Variants in DIAPH2 observed in about 807,000 individuals in gnomAD.
DIAPH2 encodes protein diaphanous homolog 2.
A neutral mutation model predicts 92.7 loss-of-function variants in DIAPH2; 35 were observed. That is an observed-to-expected ratio of 0.38 (90% CI 0.29 to 0.50). The LOEUF is 0.50. DIAPH2 is among the 20% of genes least tolerant of loss of function. DIAPH2 has a pLI of 0.94. For synonymous variants in DIAPH2, 301 were observed against 280.4 expected (o/e 1.07, Z -0.73); for missense variants, 701 against 819.5 (o/e 0.86, Z 1.77).
intron 17 of DIAPH2, among the ~76,000 whole-genome samples, chrX:97,014,277 G>A (rs923280501): frequency 8.1e-5 from 9 of 111,547 alleles, no homozygotes; most frequent in Admixed American, 1.9e-4. Context: ...AAAGGAATTC[G>A]GGGGAAATTT....
At chrX:97,394,438 C>T (rs1355441673) in intron 25 of DIAPH2, among the ~76,000 whole-genome samples, 2 of 111,315 alleles carry the variant, frequency 1.8e-5, no homozygotes, top group Non-Finnish European at 3.8e-5. Context: ...TAGTTTCCTA[C>T]CTTAGCAAAG....
chrX:97,363,266 A>G (rs1423296534), intron 24 of DIAPH2, among the ~76,000 whole-genome samples: 1 of 112,185 alleles, frequency 8.9e-6, no homozygotes, highest in Non-Finnish European at 1.9e-5. Flanking sequence ...TCCTAATGCC[A>G]TTTCAAAATC....
intron 23 of DIAPH2, among the ~76,000 whole-genome samples, chrX:97,345,019 T>C (rs756776988): frequency 8.9e-6 from 1 of 112,284 alleles, no homozygotes; most frequent in South Asian, 3.7e-4. Context: ...AAAACAGAAA[T>C]GTCACTTTCA....
At chrX:97,190,314 C>T (rs944800907) in intron 22 of DIAPH2, among the ~76,000 whole-genome samples, 4 of 112,668 alleles carry the variant, frequency 3.6e-5, no homozygotes, top group Non-Finnish European at 5.6e-5. Flanking sequence ...TAGGATATTA[C>T]GCCAGTCCAG....
intron 1 of DIAPH2, among the ~76,000 whole-genome samples, chrX:96,716,871 G>T (rs187170745): frequency 9.0e-6 from 1 of 111,187 alleles, no homozygotes; most frequent in East Asian, 2.8e-4. Context: ...TGCTTACTTT[G>T]AGTTTCATTT....
At chrX:97,242,061 G>C (rs1324985323) in intron 22 of DIAPH2, among the ~76,000 whole-genome samples, 1 of 110,930 alleles carries the variant, frequency 9.0e-6, no homozygotes, top group African/African-American at 3.3e-5. Context: ...GGCGTGAGCC[G>C]CCACACCTGG....
intron 22 of DIAPH2, among the ~76,000 whole-genome samples, chrX:97,244,120 A>G (rs2068120435): frequency 8.9e-6 from 1 of 112,221 alleles, no homozygotes; most frequent in Admixed American, 9.5e-5. Context: ...ATGAAATGGT[A>G]GAGAATTTGG....
At chrX:97,034,253 A>G (rs1462799661) in intron 17 of DIAPH2, among the ~76,000 whole-genome samples, 2 of 111,289 alleles carry the variant, frequency 1.8e-5, no homozygotes, top group Admixed American at 1.9e-4. Flanking sequence ...AATGAAAAAT[A>G]TAAGTGTTCC....
chrX:97,067,108 A>C (rs2066638952), intron 17 of DIAPH2, among the ~76,000 whole-genome samples: 1 of 111,793 alleles, frequency 8.9e-6, no homozygotes, highest in African/African-American at 3.2e-5. Context: ...GCAAGGAGAC[A>C]GAAATGGAAT....
intron 23 of DIAPH2, among the ~76,000 whole-genome samples, chrX:97,333,811 C>T (rs746236539): frequency 3.6e-5 from 4 of 110,332 alleles, no homozygotes; most frequent in Admixed American, 1.9e-4. Flanking sequence ...GTGATCCGCC[C>T]GCCTCGGCCT....
chrX:96,880,744 A>T (rs1188744923), intron 4 of DIAPH2, among the ~76,000 whole-genome samples: 1 of 111,523 alleles, frequency 9.0e-6, no homozygotes, highest in Non-Finnish European at 1.9e-5. Flanking sequence ...GAAAGGGGCA[A>T]TTATGATTAG....
chrX:97,310,364 G>A (rs2068782937), intron 23 of DIAPH2, among the ~76,000 whole-genome samples: 1 of 111,836 alleles, frequency 8.9e-6, no homozygotes, highest in Non-Finnish European at 1.9e-5. Context: ...ATGAAATAAA[G>A]ACATTGCAAA....
chrX:97,516,169 C>A (rs1437063625), intron 26 of DIAPH2, among the ~76,000 whole-genome samples: 1 of 110,008 alleles, frequency 9.1e-6, no homozygotes, highest in Non-Finnish European at 1.9e-5. Flanking sequence ...GCAGGAGAAT[C>A]GCTGGAACCC....
At chrX:97,375,735 C>T (rs1397677125) in intron 24 of DIAPH2, among the ~76,000 whole-genome samples, 1 of 111,342 alleles carries the variant, frequency 9.0e-6, no homozygotes, top group Non-Finnish European at 1.9e-5. Context: ...ACCTATTTTG[C>T]CTCCTGTTAT....
Position 96,784,692 on chromosome X carries a change from G to T in DIAPH2, c.447+26434G>T, listed in dbSNP as rs192260803. Among the ~76,000 whole-genome samples the T allele has an allele frequency of 4.4e-5, 5 of 112,503 alleles. No individual in the cohort carries two copies. In the East Asian group the frequency reaches 1.4e-3, roughly 31 times the overall value. ...TGCTTAATTAGAAAGAAGAAGACAT[G>T]ATGGAATATGGTCCAAAAGTTTGAA... On this transcript the variant is annotated intron_variant, in intron 4 of 26. Coordinates refer to ENST00000324765, the MANE Select transcript of DIAPH2 (RefSeq NM_006729.5).
chrX:97,535,948 A>T (rs2071092707), intron 26 of DIAPH2, among the ~76,000 whole-genome samples: 1 of 112,336 alleles, frequency 8.9e-6, no homozygotes. Context: ...AACACAATTT[A>T]TACAAACAAC....
At chrX:96,992,501 T>C (rs189075394) in intron 17 of DIAPH2, among the ~76,000 whole-genome samples, 54 of 112,216 alleles carry the variant, frequency 4.8e-4, no homozygotes, top group African/African-American at 1.7e-3. Flanking sequence ...AATCAGATAA[T>C]GGATGATGTT....
chrX:96,807,138 A>G (rs1023530919), intron 4 of DIAPH2, among the ~76,000 whole-genome samples: 1 of 112,245 alleles, frequency 8.9e-6, no homozygotes, highest in Admixed American at 9.4e-5. Context: ...ACAAAGAAGG[A>G]TAGGCATAGA....
chrX:96,998,407 CTA>C (rs2066119361), intron 17 of DIAPH2, among the ~76,000 whole-genome samples: 1 of 110,892 alleles, frequency 9.0e-6, no homozygotes, highest in East Asian at 2.8e-4. Context: ...AATGATCCCT[CTA>C]TTTTTCTTTC....
Sources: gnomAD v4.1 joint callset for allele counts (sites outside exome capture counted in the v4.1 genomes callset) on GRCh38, gnomAD v4.1.1 for gene constraint, MANE v1.5 for transcripts, NCBI Gene and HGNC (gene_info 2026-07-23, HGNC 2026-07-21) for gene names.